The following SYT5 variants were observed in gnomAD, a reference collection of about 807,000 sequenced individuals.
The protein encoded by SYT5 is synaptotagmin-5.
Under a neutral mutation model 36.0 loss-of-function variants are expected in SYT5, and 29 were observed. That is an observed-to-expected ratio of 0.81 (90% confidence interval 0.60 to 1.10). The LOEUF is 1.10. Among genes scored for constraint, SYT5 ranks in the 50% least tolerant of loss-of-function variants. SYT5 has a pLI of 0.00. For synonymous variants in SYT5, 231 were observed against 227.6 expected, an observed-to-expected ratio of 1.02 and a Z score of -0.14; for missense variants, 512 against 516.0, an observed-to-expected ratio of 0.99 and a Z score of 0.08.
In SYT5 at chr19:55,179,471, G is replaced by C; in HGVS notation, c.-45-385C>G. On this transcript the variant is annotated intron_variant, in intron 1 of 8. Transcript: ENST00000354308. The surrounding 1 kb of genome is among the most constrained non-coding windows in gnomAD (Gnocchi z 4.5). ...TTGCCCGGGCAACGGGTTGTTGCCA[G>C]GACAACGGGCGGGGCTGACGCACAG... 1 of 354,824 alleles carries C rather than the reference G, an allele frequency of 2.8e-6. No individual in the cohort carries two copies. The highest frequency in any genetic ancestry group is 5.1e-6 in the Non-Finnish European group (1 of 197,708). 22.0% of individuals were successfully genotyped at this position (354,824 alleles called of 1,614,324 possible).
At position 55,175,698 on chromosome 19, in the gene SYT5, C is replaced by T. The variant is rs752953389; in HGVS notation, c.540+11G>A. 1.2e-6 allele frequency: 2 copies of T among 1,612,242 alleles called. No homozygotes were observed. Among genetic ancestry groups the T allele is most frequent in the South Asian group, 1.1e-5 (1 of 90,984 alleles). The stretch of plus-strand genomic sequence containing the variant: ...GGCTATGGAACACGGGGCCTGAAGG[C>T]AGGAGCTCACCTTGAAGGCGAAGGT... On this transcript the variant is annotated intron_variant, in intron 5 of 8. Transcript: ENST00000354308. This position sits in a 1 kb window ranked among gnomAD's most constrained non-coding sequence, Gnocchi z 4.5.
chr19:55,173,371 G>A lies in SYT5; in HGVS notation c.*113C>T. ...AGATGGTTGGGGTGGAAGGTGGGGG[G>A]AGGGTAACCGTCAGAGGAAGCTTAA... On this transcript the variant is annotated 3_prime_UTR_variant, in exon 9 of 9. Coordinates refer to ENST00000354308, the MANE Select transcript of SYT5 (RefSeq NM_003180.3). This position sits in a 1 kb window ranked among gnomAD's most constrained non-coding sequence, Gnocchi z 5.4. 1.2e-5 allele frequency: 10 copies of A among 833,714 alleles called. No individual in the cohort carries two copies. The highest frequency in any genetic ancestry group is 1.5e-5 in the Non-Finnish European group (9 of 604,910). 51.6% of individuals were successfully genotyped at this position (833,714 alleles called of 1,614,324 possible).
chr19:55,175,740 T>C lies in SYT5; in HGVS notation c.509A>G (p.Asn170Ser), dbSNP rs778128887. 30 of 1,613,714 alleles carry C rather than the reference T, an allele frequency of 1.9e-5. No homozygotes were observed. In the Admixed American group the frequency reaches 2.8e-4, roughly 15 times the overall value. ...GGCGAAGGTCTCCCCAAAGTGAGGG[T>C]TCAGCGTCTGCCGATGCACCTTGGT... ...YETKVHRQTL[N>S]PHFGETFAFK... The change falls in exon 5 of 9, where the codon AAC (asparagine) becomes AGC (serine). Residue 170 changes from asparagine (N) to serine (S), a missense_variant. Transcript: ENST00000354308. The surrounding 1 kb of genome is among the most constrained non-coding windows in gnomAD (Gnocchi z 4.5).
At chr19:55,174,492 T>C (rs768990847) in intron 8 of SYT5, 25 bp downstream of exon 8, 1 of 1,610,706 alleles carries the variant, frequency 6.2e-7, no homozygotes, top group South Asian at 1.1e-5. Context: ...TCTGGGCTCT[T>C]GGAGAAGGGC....
chr19:55,179,153 T>C lies in SYT5; in HGVS notation c.-45-67A>G, dbSNP rs1304902893. On this transcript the variant is annotated intron_variant, in intron 1 of 8. Transcript: ENST00000354308. This position sits in a 1 kb window ranked among gnomAD's most constrained non-coding sequence, Gnocchi z 4.5. ...GCACAACAAAGAACTCCAACTCCCATGAGGCCTTTGCGCGAACAGCCGCGC... is the reference window on the plus strand; with the variant it reads ...GCACAACAAAGAACTCCAACTCCCACGAGGCCTTTGCGCGAACAGCCGCGC... 2 of 1,537,336 alleles carry C rather than the reference T, an allele frequency of 1.3e-6. No individual in the cohort carries two copies. The highest frequency in any genetic ancestry group is 1.7e-6 in the Non-Finnish European group (2 of 1,146,462).
Position 55,179,251 on chromosome 19 carries a change from C to G in SYT5, c.-45-165G>C, listed in dbSNP as rs1287148618. On this transcript the variant is annotated intron_variant, in intron 1 of 8. Transcript: ENST00000354308. The surrounding 1 kb of genome is among the most constrained non-coding windows in gnomAD (Gnocchi z 4.5). ...CCTCCCCGCACTTGAGAGGGGGTGT[C>G]CAGGACCTAGTTCCATCCTAAAGGG... 6.8e-7 allele frequency: 1 copy of G among 1,476,730 alleles called. No homozygotes were observed. The highest frequency in any genetic ancestry group is 8.9e-7 in the Non-Finnish European group (1 of 1,117,880). The allele number at this position is 1,476,730 out of a possible 1,614,324, so 91.5% of individuals were successfully genotyped here. A position where few individuals can be genotyped will look rare whatever the true frequency, so the allele number is the denominator to read the frequency against.
Position 55,178,339 on chromosome 19 carries a change from G to C in SYT5, c.109C>G (p.Leu37Val). 1.9e-6 allele frequency: 3 copies of C among 1,612,014 alleles called. No individual in the cohort carries two copies. The highest frequency in any genetic ancestry group is 2.5e-6 in the Non-Finnish European group (3 of 1,179,442). The change falls in exon 3 of 9, where the codon CTG becomes GTG. Residue 37 changes from leucine (L) to valine (V), a missense_variant. Coordinates refer to ENST00000354308, the MANE Select transcript of SYT5 (RefSeq NM_003180.3). ...CTGAAGATGAGGAGGCCTGAGACCA[G>C]CACGATGGTGGCCAGGGCCCAGGGG... Reference protein sequence around the residue: ...VPPWALATIVLVSGLLIFSCC... With the variant: ...VPPWALATIVVVSGLLIFSCC...
chr19:55,173,696 G>A lies in SYT5; in HGVS notation c.961-12C>T, dbSNP rs1469375530. 2.2e-6 allele frequency: 3 copies of A among 1,372,750 alleles called. No homozygotes were observed. Among genetic ancestry groups the A allele is most frequent in the Non-Finnish European group, 1.9e-6 (2 of 1,056,468 alleles). The allele number at this position is 1,372,750 out of a possible 1,614,324, so 85.0% of individuals were successfully genotyped here. On this transcript the variant is annotated splice_polypyrimidine_tract_variant and intron_variant, in intron 8 of 8. Coordinates refer to ENST00000354308, the MANE Select transcript of SYT5 (RefSeq NM_003180.3). This position sits in a 1 kb window ranked among gnomAD's most constrained non-coding sequence, Gnocchi z 5.4. ...TCCACCTGCACCTTCTGGGGTGGGC[G>A]CGGGAGGAAGAGGAGAGAGGAGCGT...
In SYT5 at chr19:55,174,434, G is replaced by A. The variant is rs182796613; in HGVS notation, c.960+83C>T. The A allele has an allele frequency of 5.8e-4, 888 of 1,540,366 alleles. 2 individuals carry two copies. The African/African-American group carries it at 9.7e-3, about 17-fold the overall frequency. On this transcript the variant is annotated intron_variant, in intron 8 of 8. Coordinates refer to ENST00000354308, the MANE Select transcript of SYT5 (RefSeq NM_003180.3). ...CAGACCCCCTCACCTGGTTTCTAGG[G>A]AGATGCTAAAAAGTCTCCCTCCGCC...
In SYT5 at chr19:55,174,955, G is replaced by C. The variant is rs2086055115; in HGVS notation, c.753C>G (p.Pro251=). ...GDICFSLRYV[P]TAGKLTVIVL... is the part of the protein sequence containing the mutation. ...CGATGACGGTGAGCTTCCCGGCCGTGGGGACATAGCGGAGGGAGAAGCAGA... is the reference window on the plus strand; with the variant it reads ...CGATGACGGTGAGCTTCCCGGCCGTCGGGACATAGCGGAGGGAGAAGCAGA... Residue 251 remains proline (P), a synonymous_variant, in exon 7 of 9, where the codon CCC becomes CCG. Transcript: ENST00000354308. 2 of 1,614,142 alleles carry C rather than the reference G, an allele frequency of 1.2e-6. No individual in the cohort carries two copies. The highest frequency in any genetic ancestry group is 8.5e-7 in the Non-Finnish European group (1 of 1,180,026).
In SYT5 at chr19:55,175,383, G is replaced by A. The variant is rs1397402347; in HGVS notation, c.541-44C>T. ...CCGCAGTAGAGAGCAGGAAGTCAGA[G>A]ATAGGGTGAGGCACAGCACAACCAG... On this transcript the variant is annotated intron_variant, in intron 5 of 8. Transcript: ENST00000354308. The surrounding 1 kb of genome is among the most constrained non-coding windows in gnomAD (Gnocchi z 4.5). The A allele has an allele frequency of 6.7e-7, 1 of 1,493,836 alleles. No homozygotes were observed. The highest frequency in any genetic ancestry group is 8.9e-7 in the Non-Finnish European group (1 of 1,127,520). 92.5% of individuals were successfully genotyped at this position (1,493,836 alleles called of 1,614,324 possible). A position where few individuals can be genotyped will look rare whatever the true frequency, so the allele number is the denominator to read the frequency against.
chr19:55,178,223 C>T lies in SYT5; in HGVS notation c.225G>A (p.Lys75=), dbSNP rs1438257195. 1 of 1,608,974 alleles carries T rather than the reference C, an allele frequency of 6.2e-7. No individual in the cohort carries two copies. The highest frequency in any genetic ancestry group is 1.1e-5 in the South Asian group (1 of 90,074). Residue 75 remains lysine (K), a synonymous_variant, in exon 3 of 9, where the codon AAG becomes AAA. Transcript: ENST00000354308. ...TGTCTATGTAACTCTGGCCCAGCCC[C>T]TTCACTTCCTGAAGGTGGACCTGGG... ...AQAQVHLQEV[K]GLGQSYIDKV... is the part of the protein sequence containing the mutation.
intron 8 of SYT5, among the ~76,000 whole-genome samples, chr19:55,174,291 A>ACATCCCGGTCCCGCTTAGGGGTGGAG (rs2086044906): frequency 6.7e-6 from 1 of 150,004 alleles, no homozygotes; most frequent in African/African-American, 2.5e-5. Flanking sequence ...TAGGGGTGGG[A>ACATCCCGGTCCCGCTTAGGGGTGGAG]CATCCCGGTC....
chr19:55,179,110 A>G lies in SYT5; in HGVS notation c.-45-24T>C, dbSNP rs763634936. The G allele has an allele frequency of 1.7e-5, 26 of 1,549,256 alleles. No homozygotes were observed. The highest frequency in any genetic ancestry group is 2.0e-5 in the Admixed American group (1 of 50,956). ...CCCTAGTCCCCCATTCCCACCCCAG[A>G]CGTCCTTTGAGCCCCACGCACAACA... is the stretch of plus-strand genomic sequence containing the variant. On this transcript the variant is annotated intron_variant, in intron 1 of 8. Transcript: ENST00000354308. The surrounding 1 kb of genome is among the most constrained non-coding windows in gnomAD (Gnocchi z 4.5).
chr19:55,173,618 C>T lies in SYT5; in HGVS notation c.1027G>A (p.Val343Met). 1.3e-6 allele frequency: 2 copies of T among 1,489,962 alleles called. No homozygotes were observed. The highest frequency in any genetic ancestry group is 1.8e-6 in the Non-Finnish European group (2 of 1,120,790). The allele number at this position is 1,489,962 out of a possible 1,614,324, so 92.3% of individuals were successfully genotyped here. The change falls in exon 9 of 9, where the codon GTG (valine) becomes ATG (methionine). Residue 343 changes from valine to methionine, a missense_variant. Physicochemically the swap from Val to Met is conservative, Grantham distance 21. Transcript: ENST00000354308. This position sits in a 1 kb window ranked among gnomAD's most constrained non-coding sequence, Gnocchi z 5.4. The part of the protein sequence containing the change: ...KLGKNEAIGR[V>M]AVGAAAGGAG... Reference sequence around the variant, plus strand: ...CCGCCGGCGGCCGCCCCCACGGCCACCCTCCCGATGGCCTCGTTCTTGCCC... The same window carrying T: ...CCGCCGGCGGCCGCCCCCACGGCCATCCTCCCGATGGCCTCGTTCTTGCCC...
At position 55,173,369 on chromosome 19, in the gene SYT5, G is replaced by C. The variant is rs1003307740; in HGVS notation, c.*115C>G. On this transcript the variant is annotated 3_prime_UTR_variant, in exon 9 of 9. Coordinates refer to ENST00000354308, the MANE Select transcript of SYT5 (RefSeq NM_003180.3). The surrounding 1 kb of genome is among the most constrained non-coding windows in gnomAD (Gnocchi z 5.4). ...TCAGATGGTTGGGGTGGAAGGTGGG[G>C]GGAGGGTAACCGTCAGAGGAAGCTT... 1 of 822,878 alleles carries C rather than the reference G, an allele frequency of 1.2e-6. No homozygotes were observed. The highest frequency in any genetic ancestry group is 1.7e-6 in the Non-Finnish European group (1 of 595,096). The allele number at this position is 822,878 out of a possible 1,614,324, so 51.0% of individuals were successfully genotyped here.
Position 55,175,539 on chromosome 19 carries a change from G to A in SYT5, c.540+170C>T, listed in dbSNP as rs533084025. Among the ~76,000 whole-genome samples, 3 of 152,244 alleles carry A rather than the reference G, an allele frequency of 2.0e-5. No homozygotes were observed. In the East Asian group the frequency reaches 5.8e-4, roughly 30 times the overall value. On this transcript the variant is annotated intron_variant, in intron 5 of 8. Coordinates refer to ENST00000354308, the MANE Select transcript of SYT5 (RefSeq NM_003180.3). The surrounding 1 kb of genome is among the most constrained non-coding windows in gnomAD (Gnocchi z 4.5). ...CCCAAATCGTACCGCCCAAGGACCA[G>A]GCTACAGCCCAGGAGTCAGTAGTGC...
At position 55,171,880 on chromosome 19, in the gene SYT5, G is replaced by A. The variant is rs2147321248; in HGVS notation, c.*1604C>T. The A allele has an allele frequency of 6.6e-6, 1 of 152,304 alleles. No homozygotes were observed. Among genetic ancestry groups the A allele is most frequent in the Non-Finnish European group, 1.5e-5 (1 of 68,070 alleles). The allele number at this position is 152,304 out of a possible 1,614,324, so 9.4% of individuals were successfully genotyped here. ...GGAGTCTGAGGCAGGAGGATCCCCT[G>A]AGCCCAGGAGGTTGAGGCTGCAGTG... On this transcript the variant is annotated 3_prime_UTR_variant, in exon 9 of 9. Transcript: ENST00000354308.
At chr19:55,176,569 A>G (rs779239640) in intron 3 of SYT5, among the ~76,000 whole-genome samples, 15 of 152,246 alleles carry the variant, frequency 9.9e-5, no homozygotes, top group Non-Finnish European at 8.8e-5. Flanking sequence ...ATGAAAAAGC[A>G]GAAGGTGTCT....
Sources: allele counts gnomAD v4.1 joint callset (sites outside exome capture counted in the v4.1 genomes callset), GRCh38; gene constraint gnomAD v4.1.1; non-coding constraint Gnocchi (gnomAD v3.1); transcripts MANE v1.5; gene names NCBI Gene and HGNC (gene_info 2026-07-23, HGNC 2026-07-21).